The following FGFR1OP2 variants were observed in gnomAD, a reference collection of about 807,000 sequenced individuals.
FGFR1OP2 encodes fibroblast growth factor receptor 1 oncogene partner 2.
In FGFR1OP2, 17 loss-of-function variants were observed where a neutral mutation model predicts 35.2. That is an observed-to-expected ratio of 0.48 (90% CI 0.33 to 0.73). FGFR1OP2 has a LOEUF of 0.73. Ranked by LOEUF, FGFR1OP2 falls within the 30% of genes least tolerant of loss-of-function variation. FGFR1OP2 has a pLI of 0.02. For missense variants in FGFR1OP2, 251 were observed against 307.3 expected (o/e 0.82, Z 1.37); for synonymous variants, 105 against 104.6 (o/e 1.00, Z -0.03).
At chr12:26,944,485 A>G (rs1046154462) in intron 1 of FGFR1OP2, among the ~76,000 whole-genome samples, 1 of 152,222 alleles carries the variant, frequency 6.6e-6, no homozygotes, top group African/African-American at 2.4e-5. Flanking sequence ...ATTTTTTAAT[A>G]ATATGCCAGT....
At chr12:26,962,442 A>T (rs1448124187) in intron 5 of FGFR1OP2, 1 of 152,198 alleles carries the variant, frequency 6.6e-6, no homozygotes, top group Admixed American at 6.5e-5. Context: ...TTTAAGTCTT[A>T]GGCTTAATAT....
At position 26,965,940 on chromosome 12, in the gene FGFR1OP2, A is replaced by G. The variant is rs1047169158; in HGVS notation, c.*1207A>G. On this transcript the variant is annotated 3_prime_UTR_variant, in exon 7 of 7. Transcript: ENST00000229395. ...TGATTGTATTAAAAAGGGATAAAAGAAGAGTGTCAAACATGGTTAAATATA... is the reference window on the plus strand; with the variant it reads ...TGATTGTATTAAAAAGGGATAAAAGGAGAGTGTCAAACATGGTTAAATATA... The G allele has an allele frequency of 2.0e-5, 3 of 151,994 alleles. No individual in the cohort carries two copies. Among genetic ancestry groups the G allele is most frequent in the African/African-American group, 4.8e-5 (2 of 41,440 alleles). The allele number at this position is 151,994 out of a possible 1,614,324, so 9.4% of individuals were successfully genotyped here.
At chr12:26,949,223 C>T (rs937810780) in intron 1 of FGFR1OP2, among the ~76,000 whole-genome samples, 7 of 152,022 alleles carry the variant, frequency 4.6e-5, no homozygotes, top group Non-Finnish European at 8.8e-5. Flanking sequence ...GCAACCTCCA[C>T]CTCCCAGGTA....
At chr12:26,939,543 T>C (rs1684493941) in intron 1 of FGFR1OP2, among the ~76,000 whole-genome samples, 1 of 152,246 alleles carries the variant, frequency 6.6e-6, no homozygotes, top group Non-Finnish European at 1.5e-5. Context: ...TCTGTACTTT[T>C]GTACGTGCGG....
rs1055859770 is a variant in FGFR1OP2, at chr12:26,962,692, C to G, written c.511-650C>G. ...AATGAGATTGGAAGAATTTATGCTA[C>G]TTGCTGCGCCTAACAAATGTGGATG... On this transcript the variant is annotated intron_variant, in intron 5 of 6. Transcript: ENST00000229395. 4 of 152,176 alleles carry G rather than the reference C, an allele frequency of 2.6e-5. No individual in the cohort carries two copies. In the South Asian group the frequency reaches 8.3e-4, roughly 32 times the overall value. 9.4% of individuals were successfully genotyped at this position (152,176 alleles called of 1,614,324 possible).
At chr12:26,938,760 C>CGTCCTTTGCCGGGGCA (rs1182042885) in intron 1 of FGFR1OP2, 50 bp downstream of exon 1, 1 of 152,318 alleles carries the variant, frequency 6.6e-6, no homozygotes, top group Non-Finnish European at 1.5e-5. Flanking sequence ...GAGTCGGAGG[C>CGTCCTTTGCCGGGGCA]GTCCTTTGCC....
In FGFR1OP2 at chr12:26,956,641, G is replaced by T; in HGVS notation, c.234G>T (p.Glu78Asp). Residue 78 changes from glutamate (E) to aspartate (D), a missense_variant, in exon 3 of 7, where the codon GAG (glutamate) becomes GAT (aspartate). Physicochemically the swap from Glu to Asp is conservative, Grantham distance 45. Transcript: ENST00000229395. ...AGCAAGAAAACAGACAAATCAGAGA[G>T]TTGCAACAAGAAAACAAAGGTAAGA... ...GIQQENRQIRELQQENKELRT... is the reference protein window; with the variant it reads ...GIQQENRQIRDLQQENKELRT... 1.3e-6 allele frequency: 2 copies of T among 1,587,716 alleles called. No homozygotes were observed. The highest frequency in any genetic ancestry group is 2.3e-5 in the South Asian group (2 of 88,188).
chr12:26,954,877 T>G (rs1479405534), intron 2 of FGFR1OP2, among the ~76,000 whole-genome samples: 1 of 152,184 alleles, frequency 6.6e-6, no homozygotes, highest in East Asian at 1.9e-4. Context: ...TATTTTAACC[T>G]TCTTCTGATA....
rs1241249972 is a variant in FGFR1OP2 at position 26,938,573 on chromosome 12, G to A, written c.-152G>A. 1 of 152,380 alleles carries A rather than the reference G, an allele frequency of 6.6e-6. No individual in the cohort carries two copies. The highest frequency in any genetic ancestry group is 1.9e-4 in the East Asian group (1 of 5,182). The allele number at this position is 152,380 out of a possible 1,614,324, so 9.4% of individuals were successfully genotyped here. ...TCCCGGCCTTCCGTCCGCTGCCTCCGTCCGATTCTGCGTCTGCTTGCTGAG... is the reference window on the plus strand; with the variant it reads ...TCCCGGCCTTCCGTCCGCTGCCTCCATCCGATTCTGCGTCTGCTTGCTGAG... On this transcript the variant is annotated 5_prime_UTR_variant, in exon 1 of 7. Coordinates refer to ENST00000229395, the MANE Select transcript of FGFR1OP2 (RefSeq NM_015633.3).
intron 1 of FGFR1OP2, among the ~76,000 whole-genome samples, chr12:26,950,213 G>GTTGTTTTTTTT (rs1938898866): frequency 9.8e-5 from 5 of 50,942 alleles, no homozygotes; most frequent in African/African-American, 3.2e-4. Flanking sequence ...TGTATTCGTT[G>GTTGTTTTTTTT]TTTTTTTTTT....
rs138281864 is a variant in FGFR1OP2, at chr12:26,951,191, C to G, written c.-14-2954C>G. Among the ~76,000 whole-genome samples the G allele has an allele frequency of 5.5e-3, 842 of 151,958 alleles. 3 individuals are homozygous for G. The highest frequency in any genetic ancestry group is 9.4e-3 in the South Asian group (45 of 4,800). On this transcript the variant is annotated intron_variant, in intron 1 of 6. Transcript: ENST00000229395. ...TTTGAGATGCAGCCTCACTCTGAGG[C>G]CCAGGCTGGAGTGCAGTGGTGCTAT...
chr12:26,964,827 C>A lies in FGFR1OP2; in HGVS notation c.*94C>A. On this transcript the variant is annotated 3_prime_UTR_variant, in exon 7 of 7. Transcript: ENST00000229395. Reference sequence around the variant, plus strand: ...AGAAAATTCAATCCTTTATTTTTTTCTCTGTAAATATGTACAGTGCACGGG... The same window carrying A: ...AGAAAATTCAATCCTTTATTTTTTTATCTGTAAATATGTACAGTGCACGGG... The A allele has an allele frequency of 7.0e-7, 1 of 1,427,882 alleles. No individual in the cohort carries two copies. The highest frequency in any genetic ancestry group is 9.6e-7 in the Non-Finnish European group (1 of 1,045,986). The allele number at this position is 1,427,882 out of a possible 1,614,324, so 88.5% of individuals were successfully genotyped here. A position where few individuals can be genotyped will look rare whatever the true frequency, so the allele number is the denominator to read the frequency against.
intron 1 of FGFR1OP2, among the ~76,000 whole-genome samples, chr12:26,947,081 A>C (rs577090301): frequency 6.6e-6 from 1 of 152,068 alleles, no homozygotes; most frequent in South Asian, 2.1e-4. Flanking sequence ...TTATCAGTTG[A>C]ATAATATTGC....
intron 1 of FGFR1OP2, among the ~76,000 whole-genome samples, chr12:26,943,040 T>A (rs1592245821): frequency 6.6e-6 from 1 of 152,188 alleles, no homozygotes; most frequent in African/African-American, 2.4e-5. Context: ...TCACAAAGAT[T>A]TTCTCTTATT....
At chr12:26,940,447 G>A (rs1364724171) in intron 1 of FGFR1OP2, among the ~76,000 whole-genome samples, 1 of 152,112 alleles carries the variant, frequency 6.6e-6, no homozygotes, top group African/African-American at 2.4e-5. Context: ...ACAGCGATGT[G>A]CCTTTATAAA....
chr12:26,963,512 A>G, intron 6 of FGFR1OP2, 57 bp downstream of exon 6: 1 of 1,090,200 alleles, frequency 9.2e-7, no homozygotes, highest in Non-Finnish European at 1.3e-6. Context: ...TTTATGCCAG[A>G]AAATATATCC....
chr12:26,943,925 C>T (rs1287865307), intron 1 of FGFR1OP2, among the ~76,000 whole-genome samples: 1 of 152,136 alleles, frequency 6.6e-6, no homozygotes, highest in Non-Finnish European at 1.5e-5. Flanking sequence ...TAGTTTCTTT[C>T]ATTAGCATTT....
At chr12:26,948,340 G>A (rs773941901) in intron 1 of FGFR1OP2, among the ~76,000 whole-genome samples, 11 of 152,090 alleles carry the variant, frequency 7.2e-5, no homozygotes, top group Non-Finnish European at 1.2e-4. Context: ...AAGTCTACTG[G>A]AAATAAGTTC....
chr12:26,938,890 C>G (rs373134552), intron 1 of FGFR1OP2, among the ~76,000 whole-genome samples, 180 bp downstream of exon 1: 8 of 152,268 alleles, frequency 5.3e-5, no homozygotes, highest in African/African-American at 9.6e-5. Flanking sequence ...CCGCGCCCCC[C>G]GACTCCGAGC....
Sources: allele counts gnomAD v4.1 joint callset (sites outside exome capture counted in the v4.1 genomes callset), GRCh38; gene constraint gnomAD v4.1.1; transcripts MANE v1.5; gene names NCBI Gene and HGNC (gene_info 2026-07-23, HGNC 2026-07-21).